Variants in ZNF385D observed in about 807,000 individuals in gnomAD.
The protein encoded by ZNF385D is zinc finger protein 659.
A neutral mutation model predicts 35.8 loss-of-function variants in ZNF385D; 15 were observed. The ratio of observed to expected loss-of-function variants is 0.42; its 90% confidence interval spans 0.28 to 0.64. The LOEUF (loss-of-function observed/expected upper bound fraction) is 0.64. ZNF385D is among the 30% of genes least tolerant of loss of function. ZNF385D has a pLI of 0.23. For synonymous variants in ZNF385D, 212 were observed against 186.8 expected, an observed-to-expected ratio of 1.13 and a Z score of -1.10; for missense variants, 474 against 494.6, an observed-to-expected ratio of 0.96 and a Z score of 0.39.
intron 4 of ZNF385D, among the ~76,000 whole-genome samples, chr3:21,438,824 GT>G (rs1352967322): frequency 6.6e-6 from 1 of 152,074 alleles, no homozygotes; most frequent in Non-Finnish European, 1.5e-5. Context: ...CTAACACTAA[GT>G]TTTGTCACTA....
intron 3 of ZNF385D, among the ~76,000 whole-genome samples, chr3:21,821,946 A>G (rs1694262118): frequency 2.1e-5 from 3 of 145,206 alleles, no homozygotes; most frequent in Admixed American, 1.4e-4. Flanking sequence ...AGCCTGAATG[A>G]CAGAGGAAGA....
chr3:22,338,617 G>T (rs183696911), intron 2 of ZNF385D, among the ~76,000 whole-genome samples: 3 of 151,406 alleles, frequency 2.0e-5, no homozygotes, highest in Non-Finnish European at 4.4e-5. Context: ...TGCTTTCACA[G>T]TACAGAATGT....
chr3:21,632,185 C>A (rs2065300954), intron 2 of ZNF385D, among the ~76,000 whole-genome samples: 1 of 152,018 alleles, frequency 6.6e-6, no homozygotes, highest in Non-Finnish European at 1.5e-5. Flanking sequence ...AATAACATTT[C>A]TACCCTCAGA....
chr3:21,986,655 G>C (rs1223487809), intron 3 of ZNF385D, among the ~76,000 whole-genome samples: 7 of 143,316 alleles, frequency 4.9e-5, no homozygotes, highest in African/African-American at 2.0e-4. Flanking sequence ...TTGATTTGGG[G>C]TGGAGAGTTC....
chr3:21,715,636 T>C (rs565359374), intron 1 of ZNF385D, among the ~76,000 whole-genome samples: 2 of 152,252 alleles, frequency 1.3e-5, no homozygotes, highest in South Asian at 2.1e-4. Flanking sequence ...GATTGCTGGA[T>C]TGAATGGTAG....
chr3:22,231,631 T>C (rs750851685), intron 2 of ZNF385D, among the ~76,000 whole-genome samples: 2 of 152,086 alleles, frequency 1.3e-5, no homozygotes, highest in Non-Finnish European at 2.9e-5. Context: ...TGAGATCCTT[T>C]TCTGTGCCTC....
chr3:22,282,962 T>G (rs1423518935), intron 2 of ZNF385D, among the ~76,000 whole-genome samples: 1 of 151,858 alleles, frequency 6.6e-6, no homozygotes, highest in East Asian at 1.9e-4. Context: ...ATATAAGAAC[T>G]CATAAACTTA....
At chr3:22,112,563 C>A (rs528534723) in intron 3 of ZNF385D, among the ~76,000 whole-genome samples, 1 of 151,964 alleles carries the variant, frequency 6.6e-6, no homozygotes, top group Non-Finnish European at 1.5e-5. Context: ...TTGTAATTAT[C>A]CACATCAGCT....
chr3:22,113,066 G>A (rs1402248257), intron 3 of ZNF385D, among the ~76,000 whole-genome samples: 1 of 152,048 alleles, frequency 6.6e-6, no homozygotes, highest in Non-Finnish European at 1.5e-5. Context: ...GACCCAAAGT[G>A]ACAAATCATT....
At chr3:22,023,828 C>T (rs1414323653) in intron 3 of ZNF385D, among the ~76,000 whole-genome samples, 5 of 151,978 alleles carry the variant, frequency 3.3e-5, no homozygotes, top group Non-Finnish European at 5.9e-5. Flanking sequence ...GTGCCCTGTA[C>T]CTGGTACAGG....
chr3:21,697,672 C>T (rs940467078), intron 1 of ZNF385D, among the ~76,000 whole-genome samples: 6 of 152,086 alleles, frequency 3.9e-5, no homozygotes, highest in Non-Finnish European at 7.4e-5. Context: ...AGCAGACAAT[C>T]TACAGAACGG....
chr3:22,224,964 C>A (rs1282739100), intron 2 of ZNF385D, among the ~76,000 whole-genome samples: 2 of 152,144 alleles, frequency 1.3e-5, no homozygotes. Context: ...ATAATCAGAA[C>A]ATCTGATTTC....
At chr3:22,251,126 C>T (rs1019951142) in intron 2 of ZNF385D, among the ~76,000 whole-genome samples, 1 of 152,082 alleles carries the variant, frequency 6.6e-6, no homozygotes, top group African/African-American at 2.4e-5. Flanking sequence ...AAAAATTTTC[C>T]ACCAAATTTA....
At chr3:22,277,494 CA>C (rs1324785596) in intron 2 of ZNF385D, among the ~76,000 whole-genome samples, 1 of 151,942 alleles carries the variant, frequency 6.6e-6, no homozygotes, top group East Asian at 1.9e-4. Flanking sequence ...AAAAAAGTAC[CA>C]AAAGCCCAAA....
chr3:22,254,778 T>C (rs949849412), intron 2 of ZNF385D, among the ~76,000 whole-genome samples: 5 of 151,828 alleles, frequency 3.3e-5, no homozygotes, highest in African/African-American at 1.2e-4. Context: ...TTATTTTACT[T>C]AGTAAGGGTT....
chr3:22,011,662 C>G (rs948385364), intron 3 of ZNF385D, among the ~76,000 whole-genome samples: 32 of 151,924 alleles, frequency 2.1e-4, no homozygotes, highest in African/African-American at 7.7e-4. Flanking sequence ...TTATAAATAT[C>G]TAATGATATA....
At chr3:21,965,844 G>C (rs372492248) in intron 3 of ZNF385D, among the ~76,000 whole-genome samples, 11 of 152,284 alleles carry the variant, frequency 7.2e-5, no homozygotes, top group Admixed American at 5.9e-4. Flanking sequence ...AAATATGGAA[G>C]AAAGAAGGGA....
intron 3 of ZNF385D, among the ~76,000 whole-genome samples, chr3:22,057,996 A>G (rs963906477): frequency 6.6e-6 from 1 of 152,224 alleles, no homozygotes; most frequent in Non-Finnish European, 1.5e-5. Context: ...GTAATGGAAA[A>G]TAAGTGAATG....
intron 1 of ZNF385D, among the ~76,000 whole-genome samples, chr3:21,690,154 A>G (rs1046951583): frequency 6.6e-6 from 1 of 152,202 alleles, no homozygotes; most frequent in African/African-American, 2.4e-5. Flanking sequence ...CTAAATAAAT[A>G]TAATTTTAAT....
Sources: gnomAD v4.1 joint callset for allele counts (sites outside exome capture counted in the v4.1 genomes callset) on GRCh38, gnomAD v4.1.1 for gene constraint, MANE v1.5 for transcripts, NCBI Gene and HGNC (gene_info 2026-07-23, HGNC 2026-07-21) for gene names.